The following PPP3CA variants were observed in gnomAD, a reference collection of about 807,000 sequenced individuals.
PPP3CA encodes protein phosphatase 3 catalytic subunit alpha, also known as CAM-PRP catalytic subunit.
PPP3CA carries 14 observed loss-of-function variants against 66.5 expected under a neutral mutation model. The ratio of observed to expected loss-of-function variants is 0.21; its 90% CI spans 0.14 to 0.33. The LOEUF (loss-of-function observed/expected upper bound fraction) is 0.33, where lower values mean the gene tolerates loss of function less well. PPP3CA is among the 10% of genes least tolerant of loss of function. The pLI is 1.00. For synonymous variants in PPP3CA, 232 were observed against 226.2 expected (o/e 1.03, Z -0.23); for missense variants, 317 against 639.5 (o/e 0.50, Z 5.44).
At chr4:101,272,183 A>G (rs1193470130) in intron 1 of PPP3CA, among the ~76,000 whole-genome samples, 1 of 152,216 alleles carries the variant, frequency 6.6e-6, no homozygotes, top group Non-Finnish European at 1.5e-5. Context: ...TCCTAGTTAT[A>G]GCACTTAATA....
chr4:101,242,927 T>C (rs1726359914), intron 1 of PPP3CA, among the ~76,000 whole-genome samples: 1 of 152,070 alleles, frequency 6.6e-6, no homozygotes, highest in South Asian at 2.1e-4. Context: ...ACCTCATTCC[T>C]TGAACAAGAG....
chr4:101,095,436 T>G (rs557162543), intron 5 of PPP3CA, among the ~76,000 whole-genome samples: 1 of 152,154 alleles, frequency 6.6e-6, no homozygotes, highest in African/African-American at 2.4e-5. Context: ...AAACTTGATA[T>G]ATGGCAAGAT....
chr4:101,335,876 C>T (rs1056995698), intron 1 of PPP3CA, among the ~76,000 whole-genome samples: 2 of 152,082 alleles, frequency 1.3e-5, no homozygotes, highest in Admixed American at 6.6e-5. Context: ...AATAGACTGA[C>T]CTGGATTTAA....
intron 2 of PPP3CA, among the ~76,000 whole-genome samples, chr4:101,130,586 G>A (rs1722397174): frequency 6.6e-6 from 1 of 152,104 alleles, no homozygotes; most frequent in Admixed American, 6.5e-5. Context: ...AAGAGAGTGG[G>A]GGCCAATATT....
At chr4:101,106,461 A>AAAG (rs1315099679) in intron 3 of PPP3CA, among the ~76,000 whole-genome samples, 566 of 22,012 alleles carry the variant, frequency 0.026, 117 homozygotes, top group African/African-American at 0.047. Context: ...AAGAGAAAAG[A>AAAG]AAAGAAAAGA....
chr4:101,344,223 T>C (rs1172297122), intron 1 of PPP3CA, among the ~76,000 whole-genome samples: 1 of 152,184 alleles, frequency 6.6e-6, no homozygotes, highest in East Asian at 1.9e-4. Flanking sequence ...ATGTTTCACA[T>C]CCAGCATACG....
chr4:101,254,991 T>C (rs1378800378), intron 1 of PPP3CA, among the ~76,000 whole-genome samples: 3 of 149,094 alleles, frequency 2.0e-5, no homozygotes, highest in Non-Finnish European at 1.5e-5. Flanking sequence ...GAAGGATGCC[T>C]TATCATGACA....
chr4:101,202,707 T>C (rs1445878803), intron 1 of PPP3CA, among the ~76,000 whole-genome samples: 1 of 152,222 alleles, frequency 6.6e-6, no homozygotes, highest in African/African-American at 2.4e-5. Flanking sequence ...TATGGCCATC[T>C]CAAGTATGGT....
At chr4:101,245,728 C>A (rs2110238503) in intron 1 of PPP3CA, among the ~76,000 whole-genome samples, 1 of 152,120 alleles carries the variant, frequency 6.6e-6, no homozygotes, top group East Asian at 1.9e-4. Context: ...CTTCACCCCA[C>A]CACCAAAAAT....
At chr4:101,066,860 G>A (rs1178157252) in intron 8 of PPP3CA, among the ~76,000 whole-genome samples, 4 of 152,016 alleles carry the variant, frequency 2.6e-5, no homozygotes, top group African/African-American at 7.2e-5. Context: ...CTTGAAAGAC[G>A]TTTATCTCCA....
chr4:101,086,467 T>C (rs1359198887), intron 6 of PPP3CA, among the ~76,000 whole-genome samples: 3 of 152,236 alleles, frequency 2.0e-5, no homozygotes, highest in Admixed American at 6.5e-5. Flanking sequence ...TATTGAACTA[T>C]ATTTTCAACC....
At chr4:101,254,150 C>T (rs1726766755) in intron 1 of PPP3CA, among the ~76,000 whole-genome samples, 1 of 152,010 alleles carries the variant, frequency 6.6e-6, no homozygotes, top group Non-Finnish European at 1.5e-5. Flanking sequence ...GTTTGTTCTT[C>T]CAGTTACAAT....
chr4:101,058,516 G>T (rs1728322565), intron 10 of PPP3CA, among the ~76,000 whole-genome samples: 1 of 152,076 alleles, frequency 6.6e-6, no homozygotes, highest in South Asian at 2.1e-4. Flanking sequence ...AAAACTTAAA[G>T]AGTGGTAAAG....
At chr4:101,079,447 C>T (rs1251283638) in intron 8 of PPP3CA, among the ~76,000 whole-genome samples, 3 of 149,906 alleles carry the variant, frequency 2.0e-5, no homozygotes, top group Non-Finnish European at 4.4e-5. Context: ...GGTGCGAGCT[C>T]GGCTCACTGC....
intron 1 of PPP3CA, among the ~76,000 whole-genome samples, chr4:101,345,028 T>C (rs1449518804): frequency 6.6e-6 from 1 of 152,168 alleles, no homozygotes; most frequent in Non-Finnish European, 1.5e-5. Flanking sequence ...CTCTCTCAAA[T>C]AAATGTGAAT....
At chr4:101,036,611 A>G (rs921972540) in intron 11 of PPP3CA, among the ~76,000 whole-genome samples, 10 of 151,992 alleles carry the variant, frequency 6.6e-5, no homozygotes, top group African/African-American at 2.4e-4. Flanking sequence ...ATGGGGTTTC[A>G]CCATGTTAGC....
At chr4:101,324,469 G>A (rs1272617933) in intron 1 of PPP3CA, among the ~76,000 whole-genome samples, 4 of 152,056 alleles carry the variant, frequency 2.6e-5, no homozygotes, top group Admixed American at 1.3e-4. Flanking sequence ...GCAGCTAAAC[G>A]AACAAAGTAT....
intron 6 of PPP3CA, among the ~76,000 whole-genome samples, chr4:101,084,971 G>C (rs145714003): frequency 1.3e-5 from 2 of 152,222 alleles, no homozygotes; most frequent in African/African-American, 4.8e-5. Context: ...GTCTTCAAAG[G>C]CTTCTGTTCT....
At chr4:101,288,044 G>A (rs1727900380) in intron 1 of PPP3CA, among the ~76,000 whole-genome samples, 1 of 152,116 alleles carries the variant, frequency 6.6e-6, no homozygotes, top group South Asian at 2.1e-4. Context: ...AGTCATGCCA[G>A]CAACCAAAGT....
Sources: allele counts gnomAD v4.1 joint callset (sites outside exome capture counted in the v4.1 genomes callset), GRCh38; gene constraint gnomAD v4.1.1; transcripts MANE v1.5; gene names NCBI Gene and HGNC (gene_info 2026-07-23, HGNC 2026-07-21).